The following SCNN1B variants were observed in gnomAD, a reference collection of about 807,000 sequenced individuals.
SCNN1B encodes the protein epithelial sodium channel subunit beta.
In SCNN1B, 46 loss-of-function variants were observed where a neutral mutation model predicts 65.3. The ratio of observed to expected loss-of-function variants is 0.70; its 90% confidence interval spans 0.56 to 0.90. SCNN1B has a LOEUF of 0.90. SCNN1B is among the 40% of genes least tolerant of loss of function. The pLI is 0.00. For missense variants in SCNN1B, 751 were observed against 830.5 expected (o/e 0.90, Z 1.18); for synonymous variants, 349 against 330.6 (o/e 1.06, Z -0.60).
intron 4 of SCNN1B, among the ~76,000 whole-genome samples, chr16:23,360,903 T>TC (rs1567311856): frequency 6.6e-6 from 1 of 152,154 alleles, no homozygotes; most frequent in Non-Finnish European, 1.5e-5. Flanking sequence ...CATACCATTC[T>TC]CCTGCCTCAG....
At chr16:23,287,874 G>A (rs76390894) in intron 2 of SCNN1B, among the ~76,000 whole-genome samples, 1,905 of 151,288 alleles carry the variant, frequency 0.013, 21 homozygotes, top group Non-Finnish European at 0.02. Context: ...CAAACTCCTG[G>A]GTTGAAGCAG....
intron 2 of SCNN1B, among the ~76,000 whole-genome samples, chr16:23,352,158 C>T (rs1181782614): frequency 1.3e-5 from 2 of 152,204 alleles, no homozygotes; most frequent in Non-Finnish European, 2.9e-5. Flanking sequence ...AGACCAGGTC[C>T]CTCTTGTTTG....
intron 1 of SCNN1B, among the ~76,000 whole-genome samples, chr16:23,345,244 G>T (rs1962161529): frequency 6.6e-6 from 1 of 152,220 alleles, no homozygotes; most frequent in Non-Finnish European, 1.5e-5. Flanking sequence ...GGGATACAGA[G>T]CTGCTGCCCT....
At chr16:23,302,864 G>A (rs1428188277) in intron 1 of SCNN1B, among the ~76,000 whole-genome samples, 1 of 152,164 alleles carries the variant, frequency 6.6e-6, no homozygotes, top group Non-Finnish European at 1.5e-5. Context: ...GCATCCCTGT[G>A]GGGTGGTTCT....
In SCNN1B at chr16:23,377,149, T is replaced by C. The variant is rs1962916099; in HGVS notation, c.1271-16T>C. The C allele has an allele frequency of 6.2e-7, 1 of 1,612,876 alleles. No homozygotes were observed. The highest frequency in any genetic ancestry group is 8.5e-7 in the Non-Finnish European group (1 of 1,179,536). On this transcript the variant is annotated splice_polypyrimidine_tract_variant and intron_variant, in intron 8 of 12. Coordinates refer to ENST00000343070, the MANE Select transcript of SCNN1B (RefSeq NM_000336.3). ...CCCCCTTAAACCTCTTGGCCGCCTT[T>C]CTGTCTCCTGCGCAGCCCATTGCTA...
chr16:23,380,574 C>A lies in SCNN1B; in HGVS notation c.1696C>A (p.Arg566=). The part of the protein sequence containing the change: ...VALAKSLRQR[R]AQASYAGPPP... ...CTTGGCCAAGAGCCTACGGCAGCGGCGAGCCCAAGCCAGCTACGCTGGCCC... is the reference window on the plus strand; with the variant it reads ...CTTGGCCAAGAGCCTACGGCAGCGGAGAGCCCAAGCCAGCTACGCTGGCCC... The change falls in exon 13 of 13, where the codon CGA becomes AGA. Residue 566 remains arginine (R), a synonymous_variant. Transcript: ENST00000343070. The surrounding 1 kb of genome is among the most constrained non-coding windows in gnomAD (Gnocchi z 5.4). 1 of 1,614,174 alleles carries A rather than the reference C, an allele frequency of 6.2e-7. No homozygotes were observed. The highest frequency in any genetic ancestry group is 8.5e-7 in the Non-Finnish European group (1 of 1,180,026).
At chr16:23,304,217 C>G in intron 1 of SCNN1B, 1 of 776,102 alleles carries the variant, frequency 1.3e-6, no homozygotes, top group Non-Finnish European at 2.1e-6. Context: ...GAGGTCCTCT[C>G]TTTTCCACTG....
chr16:23,311,262 T>G (rs1330597773), intron 1 of SCNN1B, among the ~76,000 whole-genome samples: 1 of 152,226 alleles, frequency 6.6e-6, no homozygotes, highest in Non-Finnish European at 1.5e-5. Context: ...CTTTCAGACC[T>G]TCAGGACCAA....
At chr16:23,340,997 A>T (rs1962043581) in intron 1 of SCNN1B, among the ~76,000 whole-genome samples, 1 of 151,798 alleles carries the variant, frequency 6.6e-6, no homozygotes. Flanking sequence ...CATATTTTAG[A>T]ATCAGTTTGT....
In SCNN1B at chr16:23,380,067, C is replaced by A. The variant is rs1182611265; in HGVS notation, c.1467-27C>A. The stretch of plus-strand genomic sequence containing the variant: ...CTGTTTGGAAGGGGGATACATTAGT[C>A]CCGGCCCTTCTCGCTGCCTCCTGCA... On this transcript the variant is annotated intron_variant, in intron 11 of 12. Transcript: ENST00000343070. The surrounding 1 kb of genome is among the most constrained non-coding windows in gnomAD (Gnocchi z 5.4). The A allele has an allele frequency of 1.5e-5, 24 of 1,583,198 alleles. No homozygotes were observed. The highest frequency in any genetic ancestry group is 2.0e-5 in the Non-Finnish European group (23 of 1,152,118).
In SCNN1B at chr16:23,349,023, T is replaced by C. The variant is rs565506378; in HGVS notation, c.311+113T>C. On this transcript the variant is annotated intron_variant, in intron 2 of 12. Coordinates refer to ENST00000343070, the MANE Select transcript of SCNN1B (RefSeq NM_000336.3). Reference sequence around the variant, plus strand: ...CTTTCCTTCCTTCTCCTTTCTCTCCTTCTCTTTATTTCTCCCCTTTCTTCC... The same window carrying C: ...CTTTCCTTCCTTCTCCTTTCTCTCCCTCTCTTTATTTCTCCCCTTTCTTCC... 3,441 of 818,646 alleles carry C rather than the reference T, an allele frequency of 4.2e-3. 10 individuals carry two copies. Among genetic ancestry groups the C allele is most frequent in the Non-Finnish European group, 5.4e-3 (2,598 of 484,524 alleles). 50.7% of individuals were successfully genotyped at this position (818,646 alleles called of 1,614,324 possible).
rs768983396 is a variant in SCNN1B at position 23,375,873 on chromosome 16, G to T, written c.1270+18G>T. 71 of 1,508,060 alleles carry T rather than the reference G, an allele frequency of 4.7e-5. No homozygotes were observed. The highest frequency in any genetic ancestry group is 6.4e-5 in the Non-Finnish European group (69 of 1,083,420). The allele number at this position is 1,508,060 out of a possible 1,614,324, so 93.4% of individuals were successfully genotyped here. A position where few individuals can be genotyped will look rare whatever the true frequency, so the allele number is the denominator to read the frequency against. On this transcript the variant is annotated intron_variant, in intron 8 of 12. Transcript: ENST00000343070. ...AGACTGGGGTGAGCGGGGGCACGGG[G>T]GATCGGCACTCCAGCCATCTGGGGC...
At chr16:23,303,172 T>C (rs974490417) in intron 1 of SCNN1B, among the ~76,000 whole-genome samples, 2 of 151,764 alleles carry the variant, frequency 1.3e-5, no homozygotes, top group African/African-American at 4.8e-5. Flanking sequence ...GGGTCTGGGA[T>C]ATAGTACAGG....
intron 4 of SCNN1B, among the ~76,000 whole-genome samples, chr16:23,365,558 A>AAG (rs1962639585): frequency 4.0e-5 from 1 of 24,756 alleles, no homozygotes. Context: ...AGAAGGAAAG[A>AAG]GAAAGAAAGA....
At chr16:23,309,570 G>A (rs899983264) in intron 1 of SCNN1B, among the ~76,000 whole-genome samples, 1 of 152,214 alleles carries the variant, frequency 6.6e-6, no homozygotes, top group African/African-American at 2.4e-5. Flanking sequence ...CTTGGAGTCC[G>A]ATGTTTGAAA....
intron 2 of SCNN1B, among the ~76,000 whole-genome samples, chr16:23,350,213 G>A (rs894292729): frequency 6.6e-6 from 1 of 152,260 alleles, no homozygotes; most frequent in African/African-American, 2.4e-5. Flanking sequence ...AACTCCTGTC[G>A]CAGCCCCAGT....
intron 2 of SCNN1B, among the ~76,000 whole-genome samples, chr16:23,290,886 C>T (rs1397666439): frequency 2.0e-5 from 3 of 152,100 alleles, no homozygotes; most frequent in African/African-American, 7.2e-5. Context: ...ACTCATTAAG[C>T]ATACAATTGT....
At chr16:23,339,461 T>C (rs906652641) in intron 1 of SCNN1B, among the ~76,000 whole-genome samples, 1 of 152,102 alleles carries the variant, frequency 6.6e-6, no homozygotes, top group Non-Finnish European at 1.5e-5. Context: ...TTACCAAGGC[T>C]GGCCTCAAAC....
rs1281697745 is a variant in SCNN1B, at chr16:23,348,888, A to C, written c.289A>C (p.Ile97Leu). 1 of 1,614,078 alleles carries C rather than the reference A, an allele frequency of 6.2e-7. No individual in the cohort carries two copies. The highest frequency in any genetic ancestry group is 1.7e-5 in the Admixed American group (1 of 59,998). The change falls in exon 2 of 13, where the codon ATC (isoleucine) becomes CTC (leucine). Residue 97 changes from isoleucine (I) to leucine (L), a missense_variant. Ile to Leu is a conservative substitution (Grantham distance 5, BLOSUM62 2). Transcript: ENST00000343070. The surrounding 1 kb of genome is among the most constrained non-coding windows in gnomAD (Gnocchi z 4.5). ...FKTMDFPAVT[I>L]CNASPFKYSK... ...GACCATGGACTTCCCTGCCGTCACCATCTGCAATGCTAGCCCCTTCAAGTA... is the reference window on the plus strand; with the variant it reads ...GACCATGGACTTCCCTGCCGTCACCCTCTGCAATGCTAGCCCCTTCAAGTA...
Sources: gnomAD v4.1 joint callset for allele counts (sites outside exome capture counted in the v4.1 genomes callset) on GRCh38, gnomAD v4.1.1 for gene constraint, Gnocchi (gnomAD v3.1) non-coding constraint, MANE v1.5 for transcripts, NCBI Gene and HGNC (gene_info 2026-07-23, HGNC 2026-07-21) for gene names.